ARHGAP15: variants seen among roughly 807,000 people sequenced by gnomAD.
The protein encoded by ARHGAP15 is rho GTPase-activating protein 15.
ARHGAP15 carries 51 observed loss-of-function variants against 63.7 expected under a neutral mutation model. The ratio of observed to expected loss-of-function variants is 0.80; its 90% CI spans 0.64 to 1.01. ARHGAP15 has a LOEUF of 1.01. Among genes scored for constraint, ARHGAP15 ranks in the 50% least tolerant of loss-of-function variants. The pLI, the probability that ARHGAP15 is intolerant of heterozygous loss-of-function variation, is 0.00. For missense variants in ARHGAP15, 560 were observed against 564.6 expected (o/e 0.99, Z 0.08); for synonymous variants, 191 against 193.8 (o/e 0.99, Z 0.12).
chr2:143,343,163 G>T (rs373317275), intron 6 of ARHGAP15, among the ~76,000 whole-genome samples: 1 of 151,976 alleles, frequency 6.6e-6, no homozygotes, highest in Non-Finnish European at 1.5e-5. Context: ...GATAAACCCC[G>T]CACTGGTTAA....
chr2:143,153,834 T>TTCCTCC (rs1689952091), intron 1 of ARHGAP15, among the ~76,000 whole-genome samples: 1 of 71,772 alleles, frequency 1.4e-5, no homozygotes, highest in East Asian at 4.9e-4. Flanking sequence ...CTTCTTCTTC[T>TTCCTCC]TCTTCTTCTT....
chr2:143,269,074 C>T (rs1162291324), intron 6 of ARHGAP15, among the ~76,000 whole-genome samples: 1 of 152,064 alleles, frequency 6.6e-6, no homozygotes, highest in Non-Finnish European at 1.5e-5. Flanking sequence ...TGCATGTTTC[C>T]TATGCCAAAT....
At chr2:143,588,707 T>A (rs763785400) in intron 11 of ARHGAP15, among the ~76,000 whole-genome samples, 7 of 152,164 alleles carry the variant, frequency 4.6e-5, no homozygotes, top group Non-Finnish European at 7.3e-5. Flanking sequence ...AATTTTTAGC[T>A]AGTTAAATTG....
chr2:143,356,926 T>G (rs1685836340), intron 6 of ARHGAP15, among the ~76,000 whole-genome samples: 1 of 152,198 alleles, frequency 6.6e-6, no homozygotes, highest in African/African-American at 2.4e-5. Context: ...CATCCGTCAA[T>G]TTATTAGCAC....
intron 12 of ARHGAP15, among the ~76,000 whole-genome samples, chr2:143,698,940 CATA>C (rs1430981176): frequency 2.0e-5 from 3 of 152,116 alleles, no homozygotes; most frequent in Non-Finnish European, 4.4e-5. Flanking sequence ...TTCAGCGCTT[CATA>C]ATGAGAAAAA....
intron 8 of ARHGAP15, among the ~76,000 whole-genome samples, chr2:143,470,722 A>T (rs1419631660): frequency 7.3e-6 from 1 of 137,738 alleles, no homozygotes; most frequent in Non-Finnish European, 1.6e-5. Context: ...TTGCCTGGGT[A>T]AGCATCCAAA....
At chr2:143,283,620 A>G (rs1324822013) in intron 6 of ARHGAP15, among the ~76,000 whole-genome samples, 3 of 152,166 alleles carry the variant, frequency 2.0e-5, no homozygotes, top group African/African-American at 7.2e-5. Flanking sequence ...CCAAGGCACT[A>G]AGACATTTTA....
At chr2:143,470,606 T>C (rs1261571051) in intron 8 of ARHGAP15, among the ~76,000 whole-genome samples, 1 of 150,410 alleles carries the variant, frequency 6.6e-6, no homozygotes, top group East Asian at 2.0e-4. Context: ...CATGTGTGTG[T>C]ATATATGTGT....
intron 12 of ARHGAP15, among the ~76,000 whole-genome samples, chr2:143,668,151 C>CT (rs1233246883): frequency 6.6e-6 from 1 of 151,930 alleles, no homozygotes. Flanking sequence ...GAAATGAAGT[C>CT]TAAGTTTCAA....
At chr2:143,721,861 T>G (rs914638327) in intron 13 of ARHGAP15, among the ~76,000 whole-genome samples, 1 of 152,118 alleles carries the variant, frequency 6.6e-6, no homozygotes, top group African/African-American at 2.4e-5. Context: ...TAATTTTTTG[T>G]ATTTTAGTAG....
At chr2:143,212,051 G>A (rs1205283270) in intron 3 of ARHGAP15, among the ~76,000 whole-genome samples, 4 of 152,124 alleles carry the variant, frequency 2.6e-5, no homozygotes, top group South Asian at 2.1e-4. Flanking sequence ...AACAGAAAGG[G>A]TTATTTTAAC....
At chr2:143,724,522 G>A (rs1454743034) in intron 13 of ARHGAP15, among the ~76,000 whole-genome samples, 1 of 152,152 alleles carries the variant, frequency 6.6e-6, no homozygotes, top group Non-Finnish European at 1.5e-5. Flanking sequence ...ATCCTTCAGG[G>A]CAGGAATCAT....
intron 6 of ARHGAP15, among the ~76,000 whole-genome samples, chr2:143,251,220 A>T (rs552029866): frequency 3.7e-4 from 57 of 152,056 alleles, no homozygotes; most frequent in Non-Finnish European, 7.1e-4. Flanking sequence ...TGCGTGATTT[A>T]TCTGGTAATT....
intron 6 of ARHGAP15, among the ~76,000 whole-genome samples, chr2:143,276,541 T>C (rs1333407769): frequency 6.6e-6 from 1 of 152,240 alleles, no homozygotes; most frequent in Non-Finnish European, 1.5e-5. Flanking sequence ...TTAGACATTT[T>C]TTGTTAACTG....
rs1283074400 is a variant in ARHGAP15, at chr2:143,601,065, T to TATA, written c.1004-23068_1004-23067insATA. On this transcript the variant is annotated intron_variant, in intron 11 of 13. Coordinates refer to ENST00000295095, the MANE Select transcript of ARHGAP15 (RefSeq NM_018460.4). ...AAAGCAATATGGTAGTTCTGAACGTTTGGCTGAAGAACATGGATGGCGGTA... is the reference window on the plus strand; with the variant it reads ...AAAGCAATATGGTAGTTCTGAACGTTATATGGCTGAAGAACATGGATGGCGGTA... Among the ~76,000 whole-genome samples, 248 of 152,264 alleles carry TATA rather than the reference T, an allele frequency of 1.6e-3. 1 individual carries two copies. Among genetic ancestry groups the TATA allele is most frequent in the African/African-American group, 5.6e-3 (232 of 41,570 alleles).
At chr2:143,735,345 C>T (rs10169606) in intron 13 of ARHGAP15, among the ~76,000 whole-genome samples, 8 of 152,018 alleles carry the variant, frequency 5.3e-5, no homozygotes, top group South Asian at 2.1e-4. Flanking sequence ...CACAATCAGA[C>T]GTGACTTTGG....
intron 12 of ARHGAP15, among the ~76,000 whole-genome samples, chr2:143,656,934 G>GGT (rs5834961): frequency 0.022 from 3,244 of 145,008 alleles, 100 homozygotes; most frequent in African/African-American, 0.069. Flanking sequence ...CAAAGTTTCT[G>GGT]GTGTGTGTGT....
intron 9 of ARHGAP15, among the ~76,000 whole-genome samples, chr2:143,504,444 C>T (rs1693210635): frequency 6.6e-6 from 1 of 152,100 alleles, no homozygotes; most frequent in South Asian, 2.1e-4. Context: ...AACTTGGCTC[C>T]ACTAGAAGAC....
At chr2:143,545,694 TTATAAATAA>T (rs1190586701) in intron 10 of ARHGAP15, among the ~76,000 whole-genome samples, 2 of 152,076 alleles carry the variant, frequency 1.3e-5, no homozygotes, top group Non-Finnish European at 2.9e-5. Context: ...TAATAATGTG[TTATAAATAA>T]TAGAAGAAAG....
Sources: allele counts gnomAD v4.1 joint callset (sites outside exome capture counted in the v4.1 genomes callset), GRCh38; gene constraint gnomAD v4.1.1; transcripts MANE v1.5; gene names NCBI Gene and HGNC (gene_info 2026-07-23, HGNC 2026-07-21).